Variants in PPARGC1A observed in about 807,000 individuals in gnomAD.
PPARGC1A encodes PPARG coactivator 1 alpha.
In PPARGC1A, 25 loss-of-function variants were observed where a neutral mutation model predicts 88.7. The ratio of observed to expected loss-of-function variants is 0.28; its 90% CI spans 0.21 to 0.39. PPARGC1A has a LOEUF of 0.39. Ranked by LOEUF, PPARGC1A falls within the 10% of genes least tolerant of loss-of-function variation. The pLI, the probability that PPARGC1A is intolerant of heterozygous loss-of-function variation, is 1.00. For missense variants in PPARGC1A, 880 were observed against 968.7 expected, an observed-to-expected ratio of 0.91 and a Z score of 1.22; for synonymous variants, 363 against 355.6, an observed-to-expected ratio of 1.02 and a Z score of -0.24.
chr4:24,179,611 A>G, the PPARGC1A span, among the ~76,000 whole-genome samples: 1 of 152,240 alleles, frequency 6.6e-6, no homozygotes, highest in African/African-American at 2.4e-5. Context: ...CCCCAATACA[A>G]AACTGCCTAG....
the PPARGC1A span, among the ~76,000 whole-genome samples, chr4:23,947,378 TATATATATATATATATATAA>T: frequency 1.5e-3 from 36 of 24,136 alleles, no homozygotes; most frequent in South Asian, 0.041. Context: ...TATATATATA[TATATATATATATATATATAA>T]AAAAAACGGT....
the PPARGC1A span, among the ~76,000 whole-genome samples, chr4:24,230,362 T>C: frequency 0.079 from 11,983 of 152,090 alleles, 676 homozygotes; most frequent in African/African-American, 0.15. Flanking sequence ...CTGAGGAAGG[T>C]GTGAGTAGGA....
At chr4:24,231,720 G>C in the PPARGC1A span, among the ~76,000 whole-genome samples, 1 of 152,024 alleles carries the variant, frequency 6.6e-6, no homozygotes, top group Non-Finnish European at 1.5e-5. Context: ...CCATTAGTTG[G>C]ATATTTGGGA....
the PPARGC1A span, among the ~76,000 whole-genome samples, chr4:24,163,360 G>A: frequency 6.6e-6 from 1 of 151,812 alleles, no homozygotes; most frequent in Non-Finnish European, 1.5e-5. Context: ...AATGTCTAAT[G>A]CAACCTCATA....
intron 12 of PPARGC1A, among the ~76,000 whole-genome samples, chr4:23,800,685 G>T (rs1184527093): frequency 6.6e-6 from 1 of 151,340 alleles, no homozygotes; most frequent in South Asian, 2.1e-4. Context: ...CACTTCGTTG[G>T]TAATAGTGGT....
rs781243021 is a variant in PPARGC1A, at chr4:23,829,483, T to C, written c.532A>G (p.Thr178Ala). The C allele has an allele frequency of 1.9e-6, 3 of 1,613,752 alleles. No individual in the cohort carries two copies. The highest frequency in any genetic ancestry group is 4.5e-5 in the East Asian group (2 of 44,886). Residue 178 changes from threonine to alanine, a missense_variant, in exon 4 of 13, where the codon ACA becomes GCA. By Grantham distance (58) the Thr-to-Ala change is moderately conservative. Coordinates refer to ENST00000264867, the MANE Select transcript of PPARGC1A (RefSeq NM_013261.5). ...TGTACCTTAACAATTGCAGGGTTTG[T>C]TCTGATCCTGTGATTGTGATTTGCA... is the stretch of plus-strand genomic sequence containing the variant. ...NHANHNHRIR[T>A]NPAIVKTENS...
At chr4:23,957,061 C>A in the PPARGC1A span, among the ~76,000 whole-genome samples, 196 of 152,226 alleles carry the variant, frequency 1.3e-3, no homozygotes, top group Non-Finnish European at 1.7e-3. Flanking sequence ...CACATTCTAA[C>A]CACTACAAGA....
the PPARGC1A span, among the ~76,000 whole-genome samples, chr4:24,000,041 T>A: frequency 1.3e-5 from 2 of 152,098 alleles, no homozygotes; most frequent in African/African-American, 4.8e-5. Context: ...AGGTTTCAAA[T>A]CTTTCCTTCC....
At chr4:24,242,057 G>C in the PPARGC1A span, among the ~76,000 whole-genome samples, 12,360 of 152,136 alleles carry the variant, frequency 0.081, 633 homozygotes, top group African/African-American at 0.15. Context: ...ATTCTCTCCT[G>C]CTTAATAACT....
chr4:23,859,028 TAA>T (rs1730723364), intron 2 of PPARGC1A, among the ~76,000 whole-genome samples: 1 of 150,524 alleles, frequency 6.6e-6, no homozygotes, highest in Non-Finnish European at 1.5e-5. Context: ...TACAAATAAA[TAA>T]GTTTATAAAT....
chr4:24,389,096 T>C, the PPARGC1A span, among the ~76,000 whole-genome samples: 1 of 152,192 alleles, frequency 6.6e-6, no homozygotes, highest in Non-Finnish European at 1.5e-5. Flanking sequence ...GCATTTTTAG[T>C]TGAATACTAT....
At chr4:23,970,633 A>G in the PPARGC1A span, among the ~76,000 whole-genome samples, 1 of 152,188 alleles carries the variant, frequency 6.6e-6, no homozygotes, top group East Asian at 1.9e-4. Context: ...GATTCCATTC[A>G]TGGAGTCATG....
At chr4:23,873,226 A>AAAAG (rs1195094885) in intron 2 of PPARGC1A, among the ~76,000 whole-genome samples, 28 of 149,134 alleles carry the variant, frequency 1.9e-4, no homozygotes, top group African/African-American at 6.8e-4. Context: ...ATAAAAAATA[A>AAAAG]AGAAAAAAAT....
At chr4:24,173,203 G>T in the PPARGC1A span, among the ~76,000 whole-genome samples, 2 of 152,008 alleles carry the variant, frequency 1.3e-5, no homozygotes, top group Non-Finnish European at 2.9e-5. Flanking sequence ...ATTGTTGAAG[G>T]ATTGGCCTAA....
At chr4:24,263,008 C>A in the PPARGC1A span, among the ~76,000 whole-genome samples, 1 of 152,100 alleles carries the variant, frequency 6.6e-6, no homozygotes, top group Non-Finnish European at 1.5e-5. Flanking sequence ...ACTTAACAGT[C>A]CTACGTAGAT....
chr4:24,014,913 G>A, the PPARGC1A span, among the ~76,000 whole-genome samples: 1 of 152,046 alleles, frequency 6.6e-6, no homozygotes, highest in East Asian at 1.9e-4. Flanking sequence ...CCATCATATT[G>A]ACATATTTTG....
chr4:23,957,583 C>T, the PPARGC1A span, among the ~76,000 whole-genome samples: 1 of 152,066 alleles, frequency 6.6e-6, no homozygotes, highest in Non-Finnish European at 1.5e-5. Context: ...CATTTACTGA[C>T]TCCAATGTTT....
chr4:23,934,174 A>T, the PPARGC1A span, among the ~76,000 whole-genome samples: 3 of 152,178 alleles, frequency 2.0e-5, no homozygotes, highest in Non-Finnish European at 4.4e-5. Context: ...ACTGCCTAGG[A>T]CCTGCTGCCC....
chr4:23,995,158 C>T, the PPARGC1A span, among the ~76,000 whole-genome samples: 2 of 152,098 alleles, frequency 1.3e-5, no homozygotes, highest in South Asian at 2.1e-4. Flanking sequence ...TAATAGAGTG[C>T]CCAAACAGGG....
Sources: gnomAD v4.1 joint callset for allele counts (sites outside exome capture counted in the v4.1 genomes callset) on GRCh38, gnomAD v4.1.1 for gene constraint, MANE v1.5 for transcripts, NCBI Gene and HGNC (gene_info 2026-07-23, HGNC 2026-07-21) for gene names.